The following TMEM52B variants were observed in gnomAD, a reference collection of about 807,000 sequenced individuals.
TMEM52B encodes transmembrane protein 52B, also known as chromosome 12 open reading frame 59.
TMEM52B carries 11 observed loss-of-function variants against 16.1 expected under a neutral mutation model. That is an observed-to-expected ratio of 0.68 (90% CI 0.43 to 1.13). The LOEUF is 1.13. TMEM52B is among the 50% of genes most tolerant of loss of function. The pLI is 0.00. For missense variants in TMEM52B, 243 were observed against 230.4 expected, an observed-to-expected ratio of 1.05 and a Z score of -0.35; for synonymous variants, 101 against 93.8, an observed-to-expected ratio of 1.08 and a Z score of -0.45.
intron 4 of TMEM52B, among the ~76,000 whole-genome samples, chr12:10,189,496 C>T (rs1271310247): frequency 6.6e-6 from 1 of 150,640 alleles, no homozygotes; most frequent in South Asian, 2.1e-4. Flanking sequence ...TGGTGGCGGG[C>T]GCCTGTAATC....
chr12:10,179,657 A>G (rs1195686448), intron 1 of TMEM52B, 29 bp downstream of exon 1: 16 of 1,613,726 alleles, frequency 9.9e-6, no homozygotes, highest in Non-Finnish European at 1.4e-5. Context: ...AGGCAGAAAG[A>G]GTATTTTTCC....
At chr12:10,172,355 T>C in intron 1 of TMEM52B, 1 of 312,264 alleles carries the variant, frequency 3.2e-6, no homozygotes, top group South Asian at 4.8e-5. Flanking sequence ...CTATTTTTCA[T>C]GAGCATCAGA....
chr12:10,171,538 G>T (rs1269952120), intron 1 of TMEM52B, among the ~76,000 whole-genome samples: 2 of 152,190 alleles, frequency 1.3e-5, no homozygotes, highest in East Asian at 3.8e-4. Flanking sequence ...GACTCTTACA[G>T]AAATTATCGT....
At chr12:10,172,595 T>A (rs1458675204) in intron 1 of TMEM52B, among the ~76,000 whole-genome samples, 1 of 152,220 alleles carries the variant, frequency 6.6e-6, no homozygotes, top group Non-Finnish European at 1.5e-5. Flanking sequence ...AATTTTGGGG[T>A]GAATCACATA....
At chr12:10,171,203 TTC>T (rs1264343899) in intron 1 of TMEM52B, among the ~76,000 whole-genome samples, 5 of 152,328 alleles carry the variant, frequency 3.3e-5, no homozygotes, top group African/African-American at 1.2e-4. Context: ...TGAGAGAAAT[TTC>T]TGTTTTGTTT....
Position 10,185,374 on chromosome 12 carries a change from T to A in TMEM52B, c.137+6T>A. The A allele has an allele frequency of 6.2e-7, 1 of 1,604,202 alleles. No individual in the cohort carries two copies. The highest frequency in any genetic ancestry group is 8.5e-7 in the Non-Finnish European group (1 of 1,170,960). On this transcript the variant is annotated splice_donor_region_variant and intron_variant, in intron 3 of 4. Transcript: ENST00000543484. The stretch of plus-strand genomic sequence containing the variant: ...GTACATCTCTGGTATATATGGTAAG[T>A]TTCACTTATAATACCCAGAAAGACA...
intron 1 of TMEM52B, among the ~76,000 whole-genome samples, chr12:10,173,620 A>G (rs1458560272): frequency 1.3e-5 from 2 of 152,010 alleles, no homozygotes; most frequent in African/African-American, 2.4e-5. Context: ...TGTCACCACT[A>G]AAAATACAAA....
upstream of TMEM52B, among the ~76,000 whole-genome samples, chr12:10,176,742 T>G (rs1026600615): frequency 6.6e-6 from 1 of 152,192 alleles, no homozygotes; most frequent in African/African-American, 2.4e-5. Context: ...CACATTAACT[T>G]ATTTAATCTG....
intron 2 of TMEM52B, among the ~76,000 whole-genome samples, chr12:10,184,971 CAA>C (rs1304698740): frequency 1.3e-5 from 2 of 152,176 alleles, no homozygotes; most frequent in Non-Finnish European, 2.9e-5. Flanking sequence ...CTTAGCCTCC[CAA>C]AGTGCTGGGA....
rs1358663873 is a variant in TMEM52B at position 10,189,147 on chromosome 12, G to A, written c.308-749G>A. Among the ~76,000 whole-genome samples the A allele has an allele frequency of 6.0e-5, 9 of 149,382 alleles. No homozygotes were observed. In the South Asian group the frequency reaches 6.4e-4, roughly 11 times the overall value. On this transcript the variant is annotated intron_variant, in intron 4 of 4. Transcript: ENST00000543484. The stretch of plus-strand genomic sequence containing the variant: ...GAACCTGGGAGGTGGAGGTTGCAGC[G>A]ACCCGAGATTGTGCCACTGCACTCC...
rs369785406 is a variant in TMEM52B, at chr12:10,185,303, G to A, written c.99-27G>A. On this transcript the variant is annotated intron_variant, in intron 2 of 4. Coordinates refer to ENST00000543484, the MANE Select transcript of TMEM52B (RefSeq NM_001384896.1). The stretch of plus-strand genomic sequence containing the variant: ...AACAGGGATTGACTATATTTTTAAT[G>A]TAGAAAACTTTATTCTTTCTTTATA... The A allele has an allele frequency of 5.2e-6, 8 of 1,534,860 alleles. No homozygotes were observed. In the South Asian group the frequency reaches 8.9e-5, roughly 17 times the overall value.
At chr12:10,177,489 G>A (rs901460876), upstream of TMEM52B, among the ~76,000 whole-genome samples, 2 of 152,080 alleles carry the variant, frequency 1.3e-5, no homozygotes, top group African/African-American at 4.8e-5. Flanking sequence ...GATTTACTGA[G>A]CTAGAAAGGT....
chr12:10,176,962 G>A (rs906938214), upstream of TMEM52B, among the ~76,000 whole-genome samples: 1 of 152,140 alleles, frequency 6.6e-6, no homozygotes, highest in Admixed American at 6.5e-5. Flanking sequence ...GTTTCATGAT[G>A]GGTTCCCTAC....
Position 10,190,962 on chromosome 12 carries a change from G to T in TMEM52B, c.*822G>T, listed in dbSNP as rs1948951298. 6.6e-6 allele frequency: 1 copy of T among 152,182 alleles called. No individual in the cohort carries two copies. The highest frequency in any genetic ancestry group is 1.5e-5 in the Non-Finnish European group (1 of 68,046). The allele number at this position is 152,182 out of a possible 1,614,324, so 9.4% of individuals were successfully genotyped here. A position where few individuals can be genotyped will look rare whatever the true frequency, so the allele number is the denominator to read the frequency against. ...TAGTGACACACGCTAGTCTCTAGTG[G>T]TGGCCCTCACTGCCACCTAGAGGAG... is the stretch of plus-strand genomic sequence containing the variant. On this transcript the variant is annotated 3_prime_UTR_variant, in exon 5 of 5. Coordinates refer to ENST00000543484, the MANE Select transcript of TMEM52B (RefSeq NM_001384896.1).
At chr12:10,172,320 G>C (rs12308385) in intron 1 of TMEM52B, 2 of 397,088 alleles carry the variant, frequency 5.0e-6, no homozygotes. Context: ...AGGATATTTC[G>C]CTAAGTAATT....
At chr12:10,183,445 G>A (rs1441649389) in intron 2 of TMEM52B, among the ~76,000 whole-genome samples, 1 of 151,628 alleles carries the variant, frequency 6.6e-6, no homozygotes, top group East Asian at 1.9e-4. Context: ...AAAACCAAGA[G>A]GAGTCATTGT....
At position 10,191,405 on chromosome 12, in the gene TMEM52B, G is replaced by C. The variant is rs1331998042; in HGVS notation, c.*1265G>C. 1 of 152,118 alleles carries C rather than the reference G, an allele frequency of 6.6e-6. No individual in the cohort carries two copies. The highest frequency in any genetic ancestry group is 1.5e-5 in the Non-Finnish European group (1 of 68,060). The allele number at this position is 152,118 out of a possible 1,614,324, so 9.4% of individuals were successfully genotyped here. The stretch of plus-strand genomic sequence containing the variant: ...CCAGCTAATTTTTGTATTTTTAGTG[G>C]AGAGGGGGTTTCACCATGTTGGCCA... On this transcript the variant is annotated 3_prime_UTR_variant, in exon 5 of 5. Coordinates refer to ENST00000543484, the MANE Select transcript of TMEM52B (RefSeq NM_001384896.1).
chr12:10,181,518 C>T (rs962131234), intron 1 of TMEM52B, among the ~76,000 whole-genome samples: 3 of 150,372 alleles, frequency 2.0e-5, no homozygotes, highest in Non-Finnish European at 3.0e-5. Context: ...TTCGTAGAGA[C>T]GGGATTTCAC....
intron 4 of TMEM52B, among the ~76,000 whole-genome samples, chr12:10,187,514 C>T (rs2137558669): frequency 6.6e-6 from 1 of 152,268 alleles, no homozygotes; most frequent in South Asian, 2.1e-4. Context: ...AAGAGATTCT[C>T]ATGCCTCAGC....
Sources: gnomAD v4.1 joint callset for allele counts (sites outside exome capture counted in the v4.1 genomes callset) on GRCh38, gnomAD v4.1.1 for gene constraint, MANE v1.5 for transcripts, NCBI Gene and HGNC (gene_info 2026-07-23, HGNC 2026-07-21) for gene names.